The following TCF7L2 variants were observed in gnomAD, a reference collection of about 807,000 sequenced individuals.
TCF7L2 encodes the protein transcription factor 7-like 2.
In TCF7L2, 23 loss-of-function variants were observed where a neutral mutation model predicts 77.9. The ratio of observed to expected loss-of-function variants is 0.30; its 90% CI spans 0.21 to 0.42. The LOEUF (loss-of-function observed/expected upper bound fraction) is 0.42. Ranked by LOEUF, TCF7L2 falls within the 10% of genes least tolerant of loss-of-function variation. The pLI, the probability that TCF7L2 is intolerant of heterozygous loss-of-function variation, is 1.00. For missense variants in TCF7L2, 654 were observed against 793.1 expected (o/e 0.82, Z 2.11); for synonymous variants, 413 against 340.2 (o/e 1.21, Z -2.36).
intron 8 of TCF7L2, among the ~76,000 whole-genome samples, chr10:113,149,773 G>A (rs567891713): frequency 6.6e-6 from 1 of 151,540 alleles, no homozygotes; most frequent in South Asian, 2.1e-4. Flanking sequence ...TATTAAGAAA[G>A]CAACAGTTGC....
intron 4 of TCF7L2, among the ~76,000 whole-genome samples, chr10:113,018,469 T>TTA (rs869251664): frequency 2.7e-5 from 4 of 147,120 alleles, no homozygotes; most frequent in African/African-American, 5.0e-5. Flanking sequence ...TTTTTTTTTT[T>TTA]AAAGACAGAG....
chr10:113,158,115 A>G (rs1457611869), intron 12 of TCF7L2, 46 bp downstream of exon 12: 1 of 1,560,350 alleles, frequency 6.4e-7, no homozygotes. Context: ...TAGCCTGAGG[A>G]CCACCCTTTT....
chr10:113,109,175 G>C (rs1305522730), intron 5 of TCF7L2, among the ~76,000 whole-genome samples: 3 of 152,222 alleles, frequency 2.0e-5, no homozygotes, highest in African/African-American at 7.2e-5. Flanking sequence ...CCCCTGCCAT[G>C]TAGTGTTGAC....
intron 4 of TCF7L2, among the ~76,000 whole-genome samples, chr10:113,014,891 A>C (rs1229608996): frequency 3.9e-5 from 6 of 152,016 alleles, no homozygotes; most frequent in African/African-American, 1.4e-4. Context: ...TGGACATTAG[A>C]AATTCTGAAG....
At chr10:113,161,397 C>A (rs890733428) in intron 13 of TCF7L2, 1 of 645,616 alleles carries the variant, frequency 1.5e-6, no homozygotes, top group Non-Finnish European at 2.7e-6. Context: ...TCAGAACAGC[C>A]CAGAAGTGTC....
At chr10:112,954,186 G>T (rs1467608577) in intron 3 of TCF7L2, among the ~76,000 whole-genome samples, 1 of 127,528 alleles carries the variant, frequency 7.8e-6, no homozygotes, top group African/African-American at 3.7e-5. Flanking sequence ...TGTTTTATAG[G>T]GTGTGTTTTT....
intron 5 of TCF7L2, among the ~76,000 whole-genome samples, chr10:113,045,229 C>T (rs761112397): frequency 1.3e-5 from 2 of 152,126 alleles, no homozygotes; most frequent in South Asian, 2.1e-4. Context: ...AGAACGATAA[C>T]AGCAACAAAG....
chr10:113,142,165 C>T (rs927340950), intron 6 of TCF7L2, among the ~76,000 whole-genome samples: 18 of 152,154 alleles, frequency 1.2e-4, no homozygotes, highest in Admixed American at 9.8e-4. Flanking sequence ...CCACCATACC[C>T]GGCTAATTTT....
At chr10:112,979,370 G>A (rs1409891982) in intron 4 of TCF7L2, among the ~76,000 whole-genome samples, 1 of 152,046 alleles carries the variant, frequency 6.6e-6, no homozygotes, top group Non-Finnish European at 1.5e-5. Context: ...TGCCCATTCC[G>A]GGCACATCTT....
chr10:113,065,161 C>A (rs1221070814), intron 5 of TCF7L2, among the ~76,000 whole-genome samples: 1 of 152,240 alleles, frequency 6.6e-6, no homozygotes, highest in Admixed American at 6.5e-5. Context: ...GTACCAGCTA[C>A]TCCTAGTACC....
At chr10:113,039,456 G>A (rs537638241) in intron 4 of TCF7L2, among the ~76,000 whole-genome samples, 29 of 152,312 alleles carry the variant, frequency 1.9e-4, no homozygotes, top group African/African-American at 6.7e-4. Context: ...AGTAAGTTTT[G>A]TTGAGTAAAC....
intron 5 of TCF7L2, among the ~76,000 whole-genome samples, chr10:113,099,283 G>T (rs911129000): frequency 2.0e-5 from 3 of 152,150 alleles, no homozygotes; most frequent in Admixed American, 2.0e-4. Flanking sequence ...ATTTATTTTA[G>T]TCTTTCTCAG....
chr10:113,070,957 A>G (rs2057930541), intron 5 of TCF7L2, among the ~76,000 whole-genome samples: 1 of 152,186 alleles, frequency 6.6e-6, no homozygotes, highest in East Asian at 1.9e-4. Flanking sequence ...TAAGTCCCAC[A>G]GTCCTAGGCA....
chr10:113,013,168 G>A (rs949612956), intron 4 of TCF7L2, among the ~76,000 whole-genome samples: 3 of 149,222 alleles, frequency 2.0e-5, no homozygotes, highest in Non-Finnish European at 3.0e-5. Flanking sequence ...ACCCAGGCTG[G>A]AGTGCAGTGG....
chr10:113,097,140 T>A (rs2061077223), intron 5 of TCF7L2, among the ~76,000 whole-genome samples: 1 of 152,210 alleles, frequency 6.6e-6, no homozygotes, highest in African/African-American at 2.4e-5. Context: ...CACGTAGTGC[T>A]CATCCCAGCT....
intron 4 of TCF7L2, among the ~76,000 whole-genome samples, chr10:113,037,553 G>A (rs1428073260): frequency 2.6e-5 from 4 of 152,200 alleles, no homozygotes; most frequent in Non-Finnish European, 5.9e-5. Context: ...TGTGGTGCAG[G>A]TAGCCTATGG....
intron 4 of TCF7L2, among the ~76,000 whole-genome samples, chr10:112,992,189 G>A (rs981547527): frequency 5.3e-5 from 8 of 152,162 alleles, no homozygotes; most frequent in African/African-American, 1.9e-4. Flanking sequence ...GGCGTGAGTG[G>A]TCTAGGGCCT....
Position 113,165,866 on chromosome 10 carries a change from C to T in TCF7L2, c.1703C>T (p.Pro568Leu), listed in dbSNP as rs749972572. The T allele has an allele frequency of 5.0e-6, 8 of 1,607,502 alleles. No homozygotes were observed. In the South Asian group the frequency reaches 7.7e-5, roughly 16 times the overall value. ...CCAGCCGCTTTGCAGCCTGCCGCCC[C>T]CTCCTCATCAATTGCACAGCCGTCG... The change falls in exon 14 of 14, where the codon CCC (proline) becomes CTC (leucine). Residue 568 changes from proline (P) to leucine (L), a missense_variant. Physicochemically the swap from Pro to Leu is moderately conservative, Grantham distance 98 (BLOSUM62 -3). Around this residue, in one of 6 missense-constraint regions of TCF7L2, gnomAD observed 272 missense variants for 215.4 expected, o/e 1.26. Coordinates refer to ENST00000627217, the MANE Select transcript of TCF7L2 (RefSeq NM_001146274.2).
chr10:112,980,806 T>G (rs971300578), intron 4 of TCF7L2, among the ~76,000 whole-genome samples: 1 of 152,056 alleles, frequency 6.6e-6, no homozygotes, highest in Non-Finnish European at 1.5e-5. Context: ...TTTTGTATTT[T>G]TAGTAGAGAC....
Sources: allele counts gnomAD v4.1 joint callset (sites outside exome capture counted in the v4.1 genomes callset), GRCh38; gene constraint gnomAD v4.1.1; regional missense constraint gnomAD v4.1.1; transcripts MANE v1.5; gene names NCBI Gene and HGNC (gene_info 2026-07-23, HGNC 2026-07-21).